The following E2F6 variants were observed in gnomAD, a reference collection of about 807,000 sequenced individuals.
The protein encoded by E2F6 is E2F transcription factor 6.
E2F6 carries 19 observed loss-of-function variants against 31.5 expected under a neutral mutation model. The observed-to-expected ratio is 0.60, with a 90% CI of 0.42 to 0.89. The LOEUF (loss-of-function observed/expected upper bound fraction) is 0.89, where lower values mean the gene tolerates loss of function less well. E2F6 is among the 40% of genes least tolerant of loss of function. The probability of loss-of-function intolerance (pLI) is 0.00; values close to 1 mark genes in which losing one functional copy is unlikely to be tolerated. For missense variants in E2F6, 269 were observed against 341.6 expected (o/e 0.79, Z 1.67); for synonymous variants, 121 against 127.7 (o/e 0.95, Z 0.36).
At chr2:11,452,641 A>T (rs1243264866) in intron 3 of E2F6, among the ~76,000 whole-genome samples, 1 of 151,934 alleles carries the variant, frequency 6.6e-6, no homozygotes, top group African/African-American at 2.4e-5. Context: ...TTCTTTAGTT[A>T]TTAGTGCCTA....
In E2F6 at chr2:11,466,011, G is replaced by A. The variant is rs1354850334; in HGVS notation, c.-132C>T. 1 of 791,414 alleles carries A rather than the reference G, an allele frequency of 1.3e-6. No homozygotes were observed. The highest frequency in any genetic ancestry group is 1.8e-6 in the Non-Finnish European group (1 of 541,730). The allele number at this position is 791,414 out of a possible 1,614,324, so 49.0% of individuals were successfully genotyped here. A position where few individuals can be genotyped will look rare whatever the true frequency, so the allele number is the denominator to read the frequency against. ...ACCTAAGGGGTCCGCGGCTTCCTCC[G>A]AGGCGCCGCCCGGCTAGGCCGTCCC... is the stretch of plus-strand genomic sequence containing the variant. On this transcript the variant is annotated 5_prime_UTR_variant, in exon 1 of 7. Coordinates refer to ENST00000381525, the MANE Select transcript of E2F6 (RefSeq NM_198256.4).
chr2:11,457,110 A>C, intron 2 of E2F6, 69 bp downstream of exon 2: 1 of 1,214,842 alleles, frequency 8.2e-7, no homozygotes, highest in Non-Finnish European at 1.2e-6. Flanking sequence ...TCATACACTT[A>C]AACAAATCAT....
chr2:11,465,809 C>T lies in E2F6; in HGVS notation c.71G>A (p.Arg24His). Residue 24 changes from arginine (R) to histidine (H), a missense_variant, in exon 1 of 7, where the codon CGT (arginine) becomes CAT (histidine). Physicochemically the swap from Arg to His is conservative, Grantham distance 29. Transcript: ENST00000381525. ...LLDPTEETVR[R>H]RCRDPINVEG... ...CACGTTGATGGGGTCTCGGCACCGA[C>T]GGCGAACCGTCTCCTCCGTCGGGTC... The T allele has an allele frequency of 6.2e-7, 1 of 1,600,006 alleles. No individual in the cohort carries two copies. Among genetic ancestry groups the T allele is most frequent in the Non-Finnish European group, 8.5e-7 (1 of 1,174,264 alleles).
Position 11,445,699 on chromosome 2 carries a change from C to T in E2F6, c.*778G>A, listed in dbSNP as rs1403403218. ...TATCCTTGCCCCCAAAGCCACTGGG[C>T]ATGCCACCAGTCTGCTGGGAGACAG... is the stretch of plus-strand genomic sequence containing the variant. On this transcript the variant is annotated 3_prime_UTR_variant, in exon 7 of 7. Transcript: ENST00000381525. The T allele has an allele frequency of 6.6e-6, 1 of 152,216 alleles. No individual in the cohort carries two copies. Among genetic ancestry groups the T allele is most frequent in the Non-Finnish European group, 1.5e-5 (1 of 68,052 alleles). 9.4% of individuals were successfully genotyped at this position (152,216 alleles called of 1,614,324 possible).
At position 11,446,398 on chromosome 2, in the gene E2F6, C is replaced by A. The variant is rs575306694; in HGVS notation, c.*79G>T. On this transcript the variant is annotated 3_prime_UTR_variant, in exon 7 of 7. Transcript: ENST00000381525. ...AGCACTTCATGGATAATTTATTGCT[C>A]TGAGAATCAAATTTGATGCGTAATT... The A allele has an allele frequency of 9.9e-6, 11 of 1,108,750 alleles. No homozygotes were observed. The African/African-American group carries it at 1.5e-4, about 16-fold the overall frequency. 68.7% of individuals were successfully genotyped at this position (1,108,750 alleles called of 1,614,324 possible).
chr2:11,451,755 C>T lies in E2F6; in HGVS notation c.432G>A (p.Gln144=). Residue 144 remains glutamine (Q), a synonymous_variant, in exon 4 of 7, where the codon CAG becomes CAA. Transcript: ENST00000381525. ...FGAVPQQKKL[Q]EELSDLSAME... ...TTGCTGATAAGTCAGAAAGTTCCTC[C>T]TGTAGCTTCTTTTGTTGGGGAACTG... 3.7e-6 allele frequency: 6 copies of T among 1,608,852 alleles called. No individual in the cohort carries two copies. The highest frequency in any genetic ancestry group is 5.1e-6 in the Non-Finnish European group (6 of 1,176,836).
chr2:11,466,051 G>A lies in E2F6; in HGVS notation c.-172C>T, dbSNP rs1025421721. 1.1e-4 allele frequency: 64 copies of A among 559,766 alleles called. No individual in the cohort carries two copies. In the Admixed American group the frequency reaches 2.4e-3, roughly 21 times the overall value. The allele number at this position is 559,766 out of a possible 1,614,324, so 34.7% of individuals were successfully genotyped here. ...TAGGCCGTCCCGCCCGCCAGTAAAC[G>A]CGGCACGGCCTCACGTGCCCGGGAG... On this transcript the variant is annotated 5_prime_UTR_variant, in exon 1 of 7. Transcript: ENST00000381525.
At chr2:11,463,456 T>C (rs1671913212) in intron 1 of E2F6, among the ~76,000 whole-genome samples, 1 of 152,240 alleles carries the variant, frequency 6.6e-6, no homozygotes, top group Non-Finnish European at 1.5e-5. Flanking sequence ...ATTAACTGTT[T>C]ACGGTATCAG....
At chr2:11,463,006 T>C (rs1177948078) in intron 1 of E2F6, among the ~76,000 whole-genome samples, 2 of 152,206 alleles carry the variant, frequency 1.3e-5, no homozygotes, top group South Asian at 2.1e-4. Flanking sequence ...AATTATGACA[T>C]GGTAACTGAA....
In E2F6 at chr2:11,465,675, G is replaced by A. The variant is rs185008115; in HGVS notation, c.108+97C>T. 6,130 of 1,292,352 alleles carry A rather than the reference G, an allele frequency of 4.7e-3. 25 individuals are homozygous for A. Among genetic ancestry groups the A allele is most frequent in the South Asian group, 7.0e-3 (543 of 77,336 alleles). 80.1% of individuals were successfully genotyped at this position (1,292,352 alleles called of 1,614,324 possible). A position where few individuals can be genotyped will look rare whatever the true frequency, so the allele number is the denominator to read the frequency against. On this transcript the variant is annotated intron_variant, in intron 1 of 6. Coordinates refer to ENST00000381525, the MANE Select transcript of E2F6 (RefSeq NM_198256.4). ...AGCGCCTGGCCCAGGGGGAGCAGACGACCCAGACGACGGCCAGCGGGGTTG... is the reference window on the plus strand; with the variant it reads ...AGCGCCTGGCCCAGGGGGAGCAGACAACCCAGACGACGGCCAGCGGGGTTG...
chr2:11,454,210 A>G (rs1190288375), intron 2 of E2F6, among the ~76,000 whole-genome samples: 1 of 152,218 alleles, frequency 6.6e-6, no homozygotes, highest in Admixed American at 6.5e-5. Context: ...GCAAAGGCAG[A>G]GAATTGGCGG....
At chr2:11,449,972 AT>A (rs1670960130) in intron 5 of E2F6, 39 bp downstream of exon 5, 1 of 1,517,164 alleles carries the variant, frequency 6.6e-7, no homozygotes, top group Non-Finnish European at 9.1e-7. Flanking sequence ...GTCGGCCCTC[AT>A]CCCTCTTTAA....
chr2:11,458,444 A>T, intron 1 of E2F6: 1 of 1,338,288 alleles, frequency 7.5e-7, no homozygotes, highest in Non-Finnish European at 1.0e-6. Context: ...CTGGGAACCC[A>T]CTGAAGTGGC....
chr2:11,457,683 G>A (rs1334248526), intron 1 of E2F6, among the ~76,000 whole-genome samples: 3 of 152,058 alleles, frequency 2.0e-5, no homozygotes, highest in Non-Finnish European at 4.4e-5. Flanking sequence ...AATACATCAG[G>A]TACGATCATT....
intron 2 of E2F6, chr2:11,456,883 C>A: frequency 2.9e-6 from 1 of 340,856 alleles, no homozygotes; most frequent in Non-Finnish European, 5.3e-6. Context: ...AACAGATACC[C>A]TAAACATTAA....
Position 11,458,492 on chromosome 2 carries a change from A to G in E2F6, c.109-1259T>C. ...GACTTGACTTTGAAGCTGGGAGGGC[A>G]TGCTGGCACCACATAAAACTAATGC... On this transcript the variant is annotated intron_variant, in intron 1 of 6. Coordinates refer to ENST00000381525, the MANE Select transcript of E2F6 (RefSeq NM_198256.4). 1.2e-5 allele frequency: 9 copies of G among 780,812 alleles called. No homozygotes were observed. In the Middle Eastern group the frequency reaches 1.3e-3, roughly 114 times the overall value. 48.4% of individuals were successfully genotyped at this position (780,812 alleles called of 1,614,324 possible).
intron 1 of E2F6, among the ~76,000 whole-genome samples, chr2:11,458,842 C>A (rs958659360): frequency 6.6e-6 from 1 of 152,136 alleles, no homozygotes; most frequent in Non-Finnish European, 1.5e-5. Context: ...GAATTGAACA[C>A]GTAGACCTGC....
At chr2:11,450,277 A>G (rs1408470233) in intron 4 of E2F6, 151 bp from the exon 5 acceptor site, 2 of 420,120 alleles carry the variant, frequency 4.8e-6, no homozygotes, top group African/African-American at 4.1e-5. Context: ...TAAAAAAAAA[A>G]AAAATTCATT....
intron 5 of E2F6, among the ~76,000 whole-genome samples, chr2:11,448,403 G>C (rs1408910166): frequency 6.6e-6 from 1 of 152,124 alleles, no homozygotes; most frequent in Non-Finnish European, 1.5e-5. Flanking sequence ...GCTTTAATTG[G>C]GAGCTGCTTC....
Sources: allele counts gnomAD v4.1 joint callset (sites outside exome capture counted in the v4.1 genomes callset), GRCh38; gene constraint gnomAD v4.1.1; transcripts MANE v1.5; gene names NCBI Gene and HGNC (gene_info 2026-07-23, HGNC 2026-07-21).